Variants in RYR2 observed in about 807,000 individuals in gnomAD.
RYR2 encodes the protein ryanodine receptor 2.
RYR2 carries 227 observed loss-of-function variants against 601.1 expected under a neutral mutation model. The observed-to-expected ratio is 0.38, with a 90% CI of 0.34 to 0.42. The LOEUF is 0.42. Ranked by LOEUF, RYR2 falls within the 10% of genes least tolerant of loss-of-function variation. RYR2 has a pLI of 1.00. For missense variants in RYR2, 4,646 were observed against 6,156.5 expected, an observed-to-expected ratio of 0.75 and a Z score of 8.21; for synonymous variants, 2,223 against 2,175.1, an observed-to-expected ratio of 1.02 and a Z score of -0.61.
At chr1:237,446,280 C>T (rs960229975) in intron 14 of RYR2, among the ~76,000 whole-genome samples, 15 of 152,176 alleles carry the variant, frequency 9.9e-5, no homozygotes, top group African/African-American at 3.6e-4. Context: ...ATTATACCAA[C>T]ATATGCTCTG....
rs1694326975 is a variant in RYR2, at chr1:237,772,206, G to A, written c.11646+106G>A. On this transcript the variant is annotated intron_variant, in intron 86 of 104. Transcript: ENST00000366574. The stretch of plus-strand genomic sequence containing the variant: ...TTTATAACTAGAAAGGAGTTTTTGA[G>A]ATAGTTTATCTCTGATCACAATCTC... 3 of 613,644 alleles carry A rather than the reference G, an allele frequency of 4.9e-6. No individual in the cohort carries two copies. The South Asian group carries it at 6.5e-5, about 13-fold the overall frequency. 38.0% of individuals were successfully genotyped at this position (613,644 alleles called of 1,614,324 possible).
chr1:237,103,447 G>A (rs1370690449), intron 1 of RYR2, among the ~76,000 whole-genome samples: 1 of 152,198 alleles, frequency 6.6e-6, no homozygotes, highest in Non-Finnish European at 1.5e-5. Flanking sequence ...CAGGGGACAG[G>A]TTAGGGCTAC....
chr1:237,360,891 A>AT (rs570802297), intron 4 of RYR2, among the ~76,000 whole-genome samples: 11 of 152,108 alleles, frequency 7.2e-5, no homozygotes, highest in Admixed American at 3.9e-4. Context: ...TTATATAGAT[A>AT]TTTTTTAAGA....
At chr1:237,497,632 T>C (rs1013498964) in intron 20 of RYR2, among the ~76,000 whole-genome samples, 2 of 152,214 alleles carry the variant, frequency 1.3e-5, no homozygotes, top group Non-Finnish European at 2.9e-5. Flanking sequence ...GAACTTTGCC[T>C]CATGTGGAGT....
intron 99 of RYR2, among the ~76,000 whole-genome samples, chr1:237,806,825 A>G (rs1462019247): frequency 6.6e-6 from 1 of 152,182 alleles, no homozygotes; most frequent in African/African-American, 2.4e-5. Context: ...TCGGAAGAAA[A>G]CTGGTCTAGG....
chr1:237,148,553 T>TATAC (rs71178397), intron 1 of RYR2, among the ~76,000 whole-genome samples: 1,131 of 105,574 alleles, frequency 0.011, 19 homozygotes, highest in African/African-American at 0.031. Flanking sequence ...TATATATATA[T>TATAC]ACACACACAC....
At chr1:237,829,879 GGTGCCC>G (rs1663578600) in intron 102 of RYR2, among the ~76,000 whole-genome samples, 1 of 152,116 alleles carries the variant, frequency 6.6e-6, no homozygotes, top group Non-Finnish European at 1.5e-5. Flanking sequence ...GACCTAAGCA[GGTGCCC>G]CTCTACAGGG....
chr1:237,067,589 T>G (rs1663806229), intron 1 of RYR2, among the ~76,000 whole-genome samples: 1 of 152,246 alleles, frequency 6.6e-6, no homozygotes, highest in African/African-American at 2.4e-5. Context: ...TTTTTCAAAA[T>G]TGTTTTACCA....
chr1:237,617,183 G>C, intron 37 of RYR2, 103 bp from the exon 38 acceptor site: 1 of 1,055,976 alleles, frequency 9.5e-7, no homozygotes, highest in Non-Finnish European at 1.4e-6. Context: ...GTTTCTAAGA[G>C]AGAAGAGTAG....
At position 237,643,411 on chromosome 1, in the gene RYR2, A is replaced by T. The variant is rs1681780165; in HGVS notation, c.7306A>T (p.Ile2436Phe). 1 of 1,613,914 alleles carries T rather than the reference A, an allele frequency of 6.2e-7. No individual in the cohort carries two copies. The highest frequency in any genetic ancestry group is 8.5e-7 in the Non-Finnish European group (1 of 1,179,836). ...TCCCCTGGGAGATTTGGTGGGCGTT[A>T]TCAGCATCGCTTTTCAGATGCCAAC... ...LIPLGDLVGVISIAFQMPTIA... is the reference protein window; with the variant it reads ...LIPLGDLVGVFSIAFQMPTIA... The change falls in exon 48 of 105, where the codon ATC (isoleucine) becomes TTC (phenylalanine). Residue 2436 changes from isoleucine to phenylalanine, a missense_variant. By Grantham distance (21) the Ile-to-Phe change is conservative. Coordinates refer to ENST00000366574, the MANE Select transcript of RYR2 (RefSeq NM_001035.3).
At chr1:237,632,389 CTTTT>C (rs11448751) in intron 42 of RYR2, among the ~76,000 whole-genome samples, 1 of 127,370 alleles carries the variant, frequency 7.9e-6, no homozygotes, top group Non-Finnish European at 1.7e-5. Flanking sequence ...AAAGTGAATT[CTTTT>C]TTTTTTTTTT....
intron 4 of RYR2, among the ~76,000 whole-genome samples, chr1:237,363,223 G>A (rs1699928345): frequency 6.6e-6 from 1 of 152,020 alleles, no homozygotes; most frequent in African/African-American, 2.4e-5. Context: ...TACCATTAGT[G>A]AGTCACATGT....
chr1:237,643,797 G>A (rs1681836332), intron 48 of RYR2, among the ~76,000 whole-genome samples: 1 of 151,896 alleles, frequency 6.6e-6, no homozygotes, highest in Non-Finnish European at 1.5e-5. Context: ...TGTATTTTAA[G>A]TAGAGATGGG....
chr1:237,430,301 G>T (rs1194248895), intron 12 of RYR2, among the ~76,000 whole-genome samples: 1 of 151,246 alleles, frequency 6.6e-6, no homozygotes, highest in Non-Finnish European at 1.5e-5. Context: ...AAATATCCAT[G>T]AAAATATTGT....
intron 17 of RYR2, among the ~76,000 whole-genome samples, chr1:237,469,451 T>C (rs1004762225): frequency 2.6e-5 from 4 of 152,018 alleles, no homozygotes; most frequent in Admixed American, 1.3e-4. Context: ...GAAAAAACTC[T>C]GATGTTTGGT....
intron 1 of RYR2, among the ~76,000 whole-genome samples, chr1:237,266,998 A>G (rs1176552696): frequency 6.6e-6 from 1 of 152,194 alleles, no homozygotes; most frequent in Non-Finnish European, 1.5e-5. Context: ...GATTGAAGTG[A>G]AACTTTGCGT....
chr1:237,110,413 C>T (rs1185787250), intron 1 of RYR2, among the ~76,000 whole-genome samples: 1 of 140,896 alleles, frequency 7.1e-6, no homozygotes, highest in Non-Finnish European at 1.5e-5. Flanking sequence ...TATCCCTCCC[C>T]CCTCCCCCCA....
rs1194305739 is a variant in RYR2, at chr1:237,604,542, G to A, written c.4683+2431G>A. ...GAAGCAAGAGCAAACACATTCAAAG[G>A]CTAGCGGAAGGCAAGAAATAACTAA... is the stretch of plus-strand genomic sequence containing the variant. On this transcript the variant is annotated intron_variant, in intron 35 of 104. Coordinates refer to ENST00000366574, the MANE Select transcript of RYR2 (RefSeq NM_001035.3). 3.3e-5 allele frequency among the ~76,000 whole-genome samples: 5 copies of A among 152,134 alleles called. No homozygotes were observed. The East Asian group carries it at 7.7e-4, about 23-fold the overall frequency.
In RYR2 at chr1:237,454,591, A is replaced by G. The variant is rs779401991; in HGVS notation, c.1476+17A>G. 2 of 1,609,378 alleles carry G rather than the reference A, an allele frequency of 1.2e-6. No homozygotes were observed. The highest frequency in any genetic ancestry group is 1.7e-6 in the Non-Finnish European group (2 of 1,177,350). ...CAGGAAGAGGTCCGTTTCTATCAAC[A>G]CTCATTTCTCTTCTGTTATTCTCTT... On this transcript the variant is annotated intron_variant, in intron 15 of 104. Coordinates refer to ENST00000366574, the MANE Select transcript of RYR2 (RefSeq NM_001035.3).
Sources: gnomAD v4.1 joint callset for allele counts (sites outside exome capture counted in the v4.1 genomes callset) on GRCh38, gnomAD v4.1.1 for gene constraint, MANE v1.5 for transcripts, NCBI Gene and HGNC (gene_info 2026-07-23, HGNC 2026-07-21) for gene names.